KCNMA1: variants seen among roughly 807,000 people sequenced by gnomAD.
The protein encoded by KCNMA1 is Calcium-activated potassium channel subunit alpha-1.
KCNMA1 carries 29 observed loss-of-function variants against 140.0 expected under a neutral mutation model. That is an observed-to-expected ratio of 0.21 (90% CI 0.15 to 0.28). KCNMA1 has a LOEUF of 0.28. KCNMA1 is among the 10% of genes least tolerant of loss of function. The probability of loss-of-function intolerance (pLI) is 1.00; values close to 1 mark genes in which losing one functional copy is unlikely to be tolerated. For synonymous variants in KCNMA1, 612 were observed against 611.9 expected, an observed-to-expected ratio of 1.00 and a Z score of 0.00; for missense variants, 880 against 1,602.2, an observed-to-expected ratio of 0.55 and a Z score of 7.70.
chr10:77,425,109 G>GTGGATGGA (rs200540048), intron 1 of KCNMA1, among the ~76,000 whole-genome samples: 2,412 of 150,200 alleles, frequency 0.016, 62 homozygotes, highest in African/African-American at 0.052. Flanking sequence ...GGATGGATGA[G>GTGGATGGA]TGGATGGATG....
intron 23 of KCNMA1, among the ~76,000 whole-genome samples, chr10:76,940,688 G>C (rs2030949932): frequency 6.6e-6 from 1 of 152,074 alleles, no homozygotes; most frequent in Admixed American, 6.6e-5. Context: ...TTTCCAAAAT[G>C]ATAAGAGTAA....
intron 3 of KCNMA1, among the ~76,000 whole-genome samples, chr10:77,191,943 A>G (rs1281159234): frequency 6.6e-6 from 1 of 152,080 alleles, no homozygotes; most frequent in African/African-American, 2.4e-5. Flanking sequence ...AGTTGAAGAG[A>G]TGTGATCCAA....
chr10:77,371,032 C>T (rs980524789), intron 2 of KCNMA1, among the ~76,000 whole-genome samples: 1 of 152,196 alleles, frequency 6.6e-6, no homozygotes, highest in Non-Finnish European at 1.5e-5. Context: ...AATAAGTGCA[C>T]TTGAACCACA....
At chr10:76,894,908 C>G (rs1299826283) in intron 25 of KCNMA1, among the ~76,000 whole-genome samples, 1 of 152,074 alleles carries the variant, frequency 6.6e-6, no homozygotes, top group Non-Finnish European at 1.5e-5. Flanking sequence ...AGGAGACCAC[C>G]CCTCACATTG....
intron 1 of KCNMA1, among the ~76,000 whole-genome samples, chr10:77,541,524 C>T (rs2060174281): frequency 6.6e-6 from 1 of 152,062 alleles, no homozygotes. Flanking sequence ...AAAAAGGACC[C>T]ACACTTGGAT....
chr10:77,418,384 G>A (rs540557959), intron 1 of KCNMA1, among the ~76,000 whole-genome samples: 2 of 152,232 alleles, frequency 1.3e-5, no homozygotes, highest in South Asian at 4.1e-4. Context: ...CTCAAGTAAG[G>A]TTTTTTTCCA....
At chr10:76,893,065 G>C (rs1318150121) in intron 25 of KCNMA1, among the ~76,000 whole-genome samples, 1 of 152,182 alleles carries the variant, frequency 6.6e-6, no homozygotes, top group South Asian at 2.1e-4. Flanking sequence ...TTTCTGGAGA[G>C]GTTATGGGAT....
chr10:77,209,520 C>T (rs2045291745), intron 3 of KCNMA1, among the ~76,000 whole-genome samples: 1 of 152,056 alleles, frequency 6.6e-6, no homozygotes, highest in African/African-American at 2.4e-5. Context: ...GGAAACTAAT[C>T]CAAGGGAGAA....
At chr10:77,380,192 A>T (rs1485685967) in intron 2 of KCNMA1, among the ~76,000 whole-genome samples, 1 of 152,226 alleles carries the variant, frequency 6.6e-6, no homozygotes, top group African/African-American at 2.4e-5. Flanking sequence ...ATCTAAAGGC[A>T]TCACACTCAC....
intron 1 of KCNMA1, among the ~76,000 whole-genome samples, chr10:77,512,360 G>A (rs1272051891): frequency 1.3e-5 from 2 of 152,122 alleles, no homozygotes; most frequent in Non-Finnish European, 2.9e-5. Context: ...TTTGTGCTCT[G>A]TAATGAGACA....
intron 5 of KCNMA1, 32 bp downstream of exon 5, chr10:77,183,389 C>G: frequency 2.1e-6 from 3 of 1,440,046 alleles, no homozygotes; most frequent in Non-Finnish European, 2.9e-6. Flanking sequence ...ACTCAGGAAC[C>G]AGGAAGGAGA....
intron 3 of KCNMA1, among the ~76,000 whole-genome samples, chr10:77,190,600 G>A (rs1164511243): frequency 6.6e-6 from 1 of 152,194 alleles, no homozygotes; most frequent in Non-Finnish European, 1.5e-5. Context: ...ATCCTTCATA[G>A]AGGAGGACAA....
rs538660024 is a variant in KCNMA1 at position 77,515,479 on chromosome 10, G to A, written c.379-111456C>T. Among the ~76,000 whole-genome samples the A allele has an allele frequency of 4.0e-4, 61 of 152,216 alleles. 1 individual carries two copies. The highest frequency in any genetic ancestry group is 6.9e-4 in the Non-Finnish European group (47 of 68,004). On this transcript the variant is annotated intron_variant, in intron 1 of 27. Transcript: ENST00000286628. ...GGTAGGATGGGGTGACTGAATTCTG[G>A]GGAGCACGTTCAGAGGTCGCTATCT...
intron 2 of KCNMA1, chr10:77,354,381 T>C (rs2093269939): frequency 6.6e-6 from 1 of 152,258 alleles, no homozygotes. Flanking sequence ...CACTGGCTAA[T>C]GGCTTTGGAT....
Position 77,108,576 on chromosome 10 carries a change from A to C in KCNMA1, c.1132-4T>G, listed in dbSNP as rs1468674487. ...GGACGTAGCTGGCAAACATGGCCTG[A>C]GAAGATAGGAGACAGAAGAGAGACT... On this transcript the variant is annotated splice_region_variant and splice_polypyrimidine_tract_variant and intron_variant, in intron 8 of 27. Transcript: ENST00000286628. The surrounding 1 kb of genome is among the most constrained non-coding windows in gnomAD (Gnocchi z 4.6). 1 of 1,607,856 alleles carries C rather than the reference A, an allele frequency of 6.2e-7. No homozygotes were observed. The highest frequency in any genetic ancestry group is 1.3e-5 in the African/African-American group (1 of 74,892).
At chr10:76,898,984 T>A (rs2152088915) in intron 25 of KCNMA1, among the ~76,000 whole-genome samples, 1 of 151,960 alleles carries the variant, frequency 6.6e-6, no homozygotes, top group Non-Finnish European at 1.5e-5. Flanking sequence ...AAAACACAAA[T>A]AAAATTAGAA....
intron 3 of KCNMA1, among the ~76,000 whole-genome samples, chr10:77,214,681 C>A (rs1434487403): frequency 1.3e-5 from 2 of 152,184 alleles, no homozygotes; most frequent in Non-Finnish European, 2.9e-5. Flanking sequence ...ATCCCTGTCA[C>A]AAACTCCACA....
intron 18 of KCNMA1, among the ~76,000 whole-genome samples, chr10:77,003,157 C>A (rs576683482): frequency 6.6e-6 from 1 of 152,262 alleles, no homozygotes; most frequent in Non-Finnish European, 1.5e-5. Flanking sequence ...AATGAGAGAT[C>A]TCTTCAGCAG....
At chr10:77,056,106 C>T (rs1268111378) in intron 14 of KCNMA1, among the ~76,000 whole-genome samples, 4 of 152,160 alleles carry the variant, frequency 2.6e-5, no homozygotes, top group African/African-American at 7.2e-5. Context: ...TCAGGCCGGG[C>T]GCAGTGCCTC....
Sources: allele counts gnomAD v4.1 joint callset (sites outside exome capture counted in the v4.1 genomes callset), GRCh38; gene constraint gnomAD v4.1.1; non-coding constraint Gnocchi (gnomAD v3.1); transcripts MANE v1.5; gene names NCBI Gene and HGNC (gene_info 2026-07-23, HGNC 2026-07-21).